The following FAM107B variants were observed in gnomAD, a reference collection of about 807,000 sequenced individuals.
FAM107B encodes the protein protein FAM107B.
In FAM107B, 21 loss-of-function variants were observed where a neutral mutation model predicts 31.5. That is an observed-to-expected ratio of 0.67 (90% CI 0.47 to 0.96). The LOEUF (loss-of-function observed/expected upper bound fraction) is 0.96. FAM107B is among the 40% of genes least tolerant of loss of function. The pLI is 0.00. For missense variants in FAM107B, 452 were observed against 377.1 expected, an observed-to-expected ratio of 1.20 and a Z score of -1.64; for synonymous variants, 157 against 141.5, an observed-to-expected ratio of 1.11 and a Z score of -0.78.
chr10:14,742,292 T>C, intron 1 of FAM107B, among the ~76,000 whole-genome samples: 1 of 151,630 alleles, frequency 6.6e-6, no homozygotes. Context: ...CATTTTTTTT[T>C]TTTTTGTAAA....
chr10:14,582,011 G>A (rs1163520203), intron 2 of FAM107B, among the ~76,000 whole-genome samples: 1 of 152,216 alleles, frequency 6.6e-6, no homozygotes, highest in African/African-American at 2.4e-5. Context: ...GCTTGCCCAA[G>A]TTGACAGTTT....
At position 14,605,111 on chromosome 10, in the gene FAM107B, T is replaced by C. The variant is rs2131383337; in HGVS notation, c.469+62523A>G. ...GAATCAGGGAGGAAAAGGAGACATT[T>C]GTTGTAATTGTACAAATTTACGGTC... On this transcript the variant is annotated intron_variant, in intron 2 of 4. Coordinates refer to ENST00000181796, the MANE Select transcript of FAM107B (RefSeq NM_031453.4). Among the ~76,000 whole-genome samples the C allele has an allele frequency of 1.3e-5, 2 of 152,312 alleles. 1 individual carries two copies. Among genetic ancestry groups the C allele is most frequent in the South Asian group, 4.1e-4 (2 of 4,822 alleles).
intron 2 of FAM107B, among the ~76,000 whole-genome samples, chr10:14,593,670 G>A (rs537383367): frequency 4.0e-5 from 6 of 151,846 alleles, no homozygotes; most frequent in African/African-American, 1.5e-4. Flanking sequence ...CTCCAGCCAG[G>A]GGACGAGACT....
intron 1 of FAM107B, among the ~76,000 whole-genome samples, chr10:14,757,226 G>C (rs749749250): frequency 2.6e-5 from 4 of 151,940 alleles, no homozygotes; most frequent in African/African-American, 7.3e-5. Context: ...GTTGCTCTAG[G>C]GTTGGGAATT....
intron 2 of FAM107B, among the ~76,000 whole-genome samples, chr10:14,586,691 T>C (rs1345089575): frequency 6.6e-6 from 1 of 152,134 alleles, no homozygotes; most frequent in East Asian, 1.9e-4. Context: ...CCTCCAGAAC[T>C]GTGAGAAATA....
At chr10:14,678,194 G>A (rs907340284) in intron 1 of FAM107B, among the ~76,000 whole-genome samples, 1 of 152,200 alleles carries the variant, frequency 6.6e-6, no homozygotes, top group Non-Finnish European at 1.5e-5. Flanking sequence ...CTCTGGAGAT[G>A]GAGAGAATAA....
At chr10:14,665,951 T>A (rs1854393892) in intron 2 of FAM107B, among the ~76,000 whole-genome samples, 1 of 152,208 alleles carries the variant, frequency 6.6e-6, no homozygotes, top group Admixed American at 6.5e-5. Flanking sequence ...AGTGTTGGCC[T>A]ATGTCAAACC....
intron 2 of FAM107B, among the ~76,000 whole-genome samples, chr10:14,593,909 G>A (rs1038725091): frequency 5.3e-5 from 8 of 152,240 alleles, no homozygotes; most frequent in African/African-American, 1.4e-4. Flanking sequence ...AGAACTGTTC[G>A]AGAGTAAAAT....
intron 2 of FAM107B, among the ~76,000 whole-genome samples, chr10:14,575,070 A>G (rs988583481): frequency 6.6e-6 from 1 of 152,246 alleles, no homozygotes; most frequent in African/African-American, 2.4e-5. Context: ...AGTTATCTGT[A>G]TGAGTCAATA....
chr10:14,629,637 C>T (rs1308246088), intron 2 of FAM107B, among the ~76,000 whole-genome samples: 1 of 148,086 alleles, frequency 6.8e-6, no homozygotes, highest in African/African-American at 2.5e-5. Flanking sequence ...CCCAGCCTCC[C>T]GAGTAGCTGG....
intron 2 of FAM107B, among the ~76,000 whole-genome samples, chr10:14,568,513 G>A (rs113744811): frequency 6.6e-6 from 1 of 150,906 alleles, no homozygotes; most frequent in Non-Finnish European, 1.5e-5. Flanking sequence ...GTAAGAGGAG[G>A]CTGGCTGATG....
At chr10:14,742,030 G>A (rs1301773340) in intron 1 of FAM107B, among the ~76,000 whole-genome samples, 1 of 151,996 alleles carries the variant, frequency 6.6e-6, no homozygotes, top group African/African-American at 2.4e-5. Context: ...CTAACTTTCT[G>A]AATAAATTTT....
chr10:14,732,370 A>G (rs1856194320), intron 1 of FAM107B, among the ~76,000 whole-genome samples: 1 of 152,186 alleles, frequency 6.6e-6, no homozygotes, highest in Non-Finnish European at 1.5e-5. Flanking sequence ...GTGGTGGGAA[A>G]ATATTGATTG....
chr10:14,564,930 T>C (rs150530148), intron 2 of FAM107B, among the ~76,000 whole-genome samples: 29 of 152,228 alleles, frequency 1.9e-4, no homozygotes, highest in Admixed American at 3.3e-4. Context: ...ACTTGAAAAA[T>C]TGGGCTGGGC....
intron 2 of FAM107B, among the ~76,000 whole-genome samples, chr10:14,549,017 G>A (rs1048316779): frequency 1.3e-5 from 2 of 152,118 alleles, no homozygotes; most frequent in Non-Finnish European, 2.9e-5. Context: ...AGAGACCAGA[G>A]CTCCTTCTTT....
At chr10:14,636,664 G>T (rs1363965428) in intron 2 of FAM107B, among the ~76,000 whole-genome samples, 1 of 151,844 alleles carries the variant, frequency 6.6e-6, no homozygotes, top group Non-Finnish European at 1.5e-5. Flanking sequence ...GGCGAAGGAA[G>T]TACTGGGGTT....
intron 2 of FAM107B, among the ~76,000 whole-genome samples, chr10:14,650,849 T>C (rs1853880385): frequency 6.6e-6 from 1 of 152,240 alleles, no homozygotes; most frequent in South Asian, 2.1e-4. Flanking sequence ...TTTTAAAAAC[T>C]CAACCATATT....
chr10:14,757,553 T>G (rs1832955512), intron 1 of FAM107B, among the ~76,000 whole-genome samples: 1 of 152,128 alleles, frequency 6.6e-6, no homozygotes, highest in African/African-American at 2.4e-5. Context: ...AATCCAAAAT[T>G]TCCCTGCAGA....
chr10:14,648,510 C>G (rs1853822767), intron 2 of FAM107B, among the ~76,000 whole-genome samples: 1 of 152,212 alleles, frequency 6.6e-6, no homozygotes, highest in African/African-American at 2.4e-5. Flanking sequence ...GCTCTCAAAG[C>G]TCAGACGTCA....
Sources: allele counts gnomAD v4.1 joint callset (sites outside exome capture counted in the v4.1 genomes callset), GRCh38; gene constraint gnomAD v4.1.1; transcripts MANE v1.5; gene names NCBI Gene and HGNC (gene_info 2026-07-23, HGNC 2026-07-21).